SHROOM2: variants seen among roughly 807,000 people sequenced by gnomAD.
The protein encoded by SHROOM2 is shroom family member 2.
A neutral mutation model predicts 75.9 loss-of-function variants in SHROOM2; 33 were observed. The observed-to-expected ratio is 0.43, with a 90% confidence interval of 0.33 to 0.58. The LOEUF (loss-of-function observed/expected upper bound fraction) is 0.58. Ranked by LOEUF, SHROOM2 falls within the 20% of genes least tolerant of loss-of-function variation. The probability of loss-of-function intolerance (pLI) is 0.04; values close to 1 mark genes in which losing one functional copy is unlikely to be tolerated. For synonymous variants in SHROOM2, 655 were observed against 663.6 expected (o/e 0.99, Z 0.20); for missense variants, 1,434 against 1,461.2 (o/e 0.98, Z 0.30).
intron 1 of SHROOM2, among the ~76,000 whole-genome samples, chrX:9,820,447 C>T (rs1199378452): frequency 9.0e-6 from 1 of 111,041 alleles, no homozygotes; most frequent in Non-Finnish European, 1.9e-5. Context: ...TCACTGCAGT[C>T]TTGAATTCCC....
chrX:9,899,104 G>T (rs773264526), intron 5 of SHROOM2, among the ~76,000 whole-genome samples: 32 of 109,328 alleles, frequency 2.9e-4, no homozygotes, highest in African/African-American at 8.7e-4. Flanking sequence ...AAAAAAATTA[G>T]CCAGGTGTGG....
intron 8 of SHROOM2, among the ~76,000 whole-genome samples, chrX:9,940,719 G>C (rs1208468754): frequency 8.9e-6 from 1 of 112,624 alleles, no homozygotes; most frequent in Non-Finnish European, 1.9e-5. Context: ...TGCACAGGCG[G>C]AGGCGTGTTC....
In SHROOM2 at chrX:9,937,590, A is replaced by G; in HGVS notation, c.4044A>G (p.Glu1348=). ...VKIKTTMDLM[E]GIFPKDEHLL... is the part of the protein sequence containing the mutation. ...TCAAAACCACTATGGACTTGATGGA[A>G]GGCATCTTCCCCAAAGACGAGCACC... Residue 1348 remains glutamate, a synonymous_variant, in exon 7 of 10, where the codon GAA becomes GAG. Coordinates refer to ENST00000380913, the MANE Select transcript of SHROOM2 (RefSeq NM_001649.4). 8.3e-7 allele frequency: 1 copy of G among 1,211,620 alleles called. No individual in the cohort carries two copies.
chrX:9,874,136 G>C (rs1261323563), intron 2 of SHROOM2, among the ~76,000 whole-genome samples: 1 of 112,097 alleles, frequency 8.9e-6, no homozygotes, highest in African/African-American at 3.2e-5. Flanking sequence ...TTGTACACAA[G>C]GTGGCAGGCC....
At chrX:9,944,976 G>A in intron 9 of SHROOM2, 63 bp downstream of exon 9, 1 of 1,112,338 alleles carries the variant, frequency 9.0e-7, no homozygotes. Flanking sequence ...TGTTTTTCAA[G>A]TGTCGTGAAA....
intron 1 of SHROOM2, among the ~76,000 whole-genome samples, chrX:9,848,363 G>A (rs913854442): frequency 2.8e-4 from 28 of 99,351 alleles, no homozygotes; most frequent in Non-Finnish European, 2.6e-4. Context: ...AATTAGCCGG[G>A]CGCGGTGGCG....
intron 5 of SHROOM2, among the ~76,000 whole-genome samples, chrX:9,913,868 G>C (rs2084457264): frequency 8.9e-6 from 1 of 111,860 alleles, no homozygotes; most frequent in Admixed American, 9.5e-5. Context: ...CCAAGTTGAT[G>C]AATGGTTGGC....
rs1654914259 is a variant in SHROOM2 at position 9,894,770 on chromosome X, C to T, written c.862C>T (p.Pro288Ser). 1.7e-6 allele frequency: 2 copies of T among 1,211,726 alleles called. No homozygotes were observed. The highest frequency in any genetic ancestry group is 1.1e-6 in the Non-Finnish European group (1 of 895,428). Residue 288 changes from proline (P) to serine (S), a missense_variant, in exon 4 of 10, where the codon CCC becomes TCC. Around this residue, in one of 3 missense-constraint regions of SHROOM2, gnomAD observed 1,340 missense variants for 1,338.3 expected, o/e 1.00. Transcript: ENST00000380913. ...CCCCAGGCCAGAGTACAATGCCGAG[C>T]CCAAGCTGGCTGCCCCTGGGAGGTC... ...KGPRPEYNAEPKLAAPGRSNF... is the reference protein window; with the variant it reads ...KGPRPEYNAESKLAAPGRSNF...
intron 1 of SHROOM2, among the ~76,000 whole-genome samples, chrX:9,868,608 A>C (rs1044539604): frequency 9.2e-6 from 1 of 109,141 alleles, no homozygotes; most frequent in Admixed American, 9.9e-5. Context: ...GGTTGGCATG[A>C]TAACGGCTCA....
At chrX:9,879,540 C>T (rs994598296) in intron 2 of SHROOM2, among the ~76,000 whole-genome samples, 1 of 112,545 alleles carries the variant, frequency 8.9e-6, no homozygotes, top group African/African-American at 3.2e-5. Context: ...GGATTACAGG[C>T]GTGAGCCACT....
chrX:9,842,987 C>T lies in SHROOM2; in HGVS notation c.166-30665C>T, dbSNP rs927374818. Reference sequence around the variant, plus strand: ...CCTTAGAAAGGCTGTGTGGCTCCTGCGTGGCAGGGCCACCTCATTAAAAAC... The same window carrying T: ...CCTTAGAAAGGCTGTGTGGCTCCTGTGTGGCAGGGCCACCTCATTAAAAAC... On this transcript the variant is annotated intron_variant, in intron 1 of 9. Transcript: ENST00000380913. Among the ~76,000 whole-genome samples, 7 of 112,197 alleles carry T rather than the reference C, an allele frequency of 6.2e-5. No homozygotes were observed. The South Asian group carries it at 1.5e-3, about 24-fold the overall frequency.
At chrX:9,816,531 A>G (rs1477597391) in intron 1 of SHROOM2, among the ~76,000 whole-genome samples, 1 of 111,567 alleles carries the variant, frequency 9.0e-6, no homozygotes, top group Admixed American at 9.5e-5. Context: ...GGTCACCGGC[A>G]TCCTTGTGGT....
intron 1 of SHROOM2, among the ~76,000 whole-genome samples, chrX:9,854,679 G>A (rs2084057550): frequency 9.0e-6 from 1 of 110,714 alleles, no homozygotes; most frequent in Non-Finnish European, 1.9e-5. Flanking sequence ...TCCCACGATT[G>A]TTTTTAAGAG....
intron 2 of SHROOM2, among the ~76,000 whole-genome samples, chrX:9,877,370 AGGGGAG>A: frequency 9.0e-6 from 1 of 110,943 alleles, no homozygotes; most frequent in South Asian, 3.9e-4. Context: ...CCGAGATGTC[AGGGGAG>A]GGGTGCTGCC....
At chrX:9,880,728 G>T (rs115448496) in intron 2 of SHROOM2, among the ~76,000 whole-genome samples, 3,744 of 111,191 alleles carry the variant, frequency 0.034, 166 homozygotes, top group African/African-American at 0.11. Context: ...TGTTTTTTTT[G>T]TTGTTGTTGT....
At chrX:9,935,174 C>G (rs2084688950) in intron 6 of SHROOM2, among the ~76,000 whole-genome samples, 1 of 110,594 alleles carries the variant, frequency 9.0e-6, no homozygotes, top group African/African-American at 3.3e-5. Flanking sequence ...GGGAGGATAC[C>G]AATACAGGCT....
intron 1 of SHROOM2, among the ~76,000 whole-genome samples, chrX:9,792,695 A>G (rs993542898): frequency 3.7e-5 from 4 of 109,314 alleles, no homozygotes; most frequent in Admixed American, 9.8e-5. Context: ...CTTCTTACTC[A>G]TAGAAGGGAA....
intron 1 of SHROOM2, among the ~76,000 whole-genome samples, chrX:9,810,313 T>C (rs775843132): frequency 9.0e-5 from 10 of 111,236 alleles, no homozygotes; most frequent in Non-Finnish European, 1.7e-4. Flanking sequence ...GCTGTTGTAG[T>C]GTCCCCTTGA....
chrX:9,795,097 TTTTC>T (rs143123845), intron 1 of SHROOM2, among the ~76,000 whole-genome samples: 194 of 99,617 alleles, frequency 1.9e-3, no homozygotes, highest in African/African-American at 6.3e-3. Flanking sequence ...TCATTTTTCT[TTTTC>T]TTTCTTTCTT....
Sources: allele counts gnomAD v4.1 joint callset (sites outside exome capture counted in the v4.1 genomes callset), GRCh38; gene constraint gnomAD v4.1.1; regional missense constraint gnomAD v4.1.1; transcripts MANE v1.5; gene names NCBI Gene and HGNC (gene_info 2026-07-23, HGNC 2026-07-21).